KIDINS220: variants seen among roughly 807,000 people sequenced by gnomAD.
KIDINS220 encodes kinase D-interacting substrate of 220 kDa.
A neutral mutation model predicts 157.6 loss-of-function variants in KIDINS220; 63 were observed. The ratio of observed to expected loss-of-function variants is 0.40; its 90% CI spans 0.33 to 0.49. The LOEUF (loss-of-function observed/expected upper bound fraction) is 0.49. KIDINS220 is among the 20% of genes least tolerant of loss of function. The pLI, the probability that KIDINS220 is intolerant of heterozygous loss-of-function variation, is 0.66. For missense variants in KIDINS220, 1,772 were observed against 2,171.2 expected (o/e 0.82, Z 3.65); for synonymous variants, 732 against 783.6 (o/e 0.93, Z 1.10).
chr2:8,747,807 G>C, intron 25 of KIDINS220, 80 bp downstream of exon 25: 1 of 793,412 alleles, frequency 1.3e-6, no homozygotes, highest in Non-Finnish European at 1.9e-6. Context: ...CTTTTACTAT[G>C]TAAAGGAAAT....
intron 2 of KIDINS220, chr2:8,826,743 T>C (rs1678866940): frequency 3.7e-6 from 1 of 270,520 alleles, no homozygotes; most frequent in South Asian, 1.5e-4. Context: ...TTCCTGAATA[T>C]TAATTATTCC....
At position 8,744,393 on chromosome 2, in the gene KIDINS220, A is replaced by ATC. The variant is rs1167289937; in HGVS notation, c.3585+2751_3585+2752insGA. On this transcript the variant is annotated intron_variant, in intron 26 of 29. Transcript: ENST00000256707. The stretch of plus-strand genomic sequence containing the variant: ...AAAAAAAAAAAAAAAAAAAAAATAT[A>ATC]TATATATAATATATATATATATATA... Among the ~76,000 whole-genome samples the ATC allele has an allele frequency of 2.6e-4, 7 of 26,518 alleles. 2 individuals are homozygous for ATC. The highest frequency in any genetic ancestry group is 4.0e-4 in the Non-Finnish European group (7 of 17,290). 17.4% of individuals were successfully genotyped at this position (26,518 alleles called of 152,430 possible). A position where few individuals can be genotyped will look rare whatever the true frequency, so the allele number is the denominator to read the frequency against.
At position 8,751,459 on chromosome 2, in the gene KIDINS220, T is replaced by C. The variant is rs200218881; in HGVS notation, c.3190+7A>G. On this transcript the variant is annotated splice_region_variant and intron_variant, in intron 23 of 29. Coordinates refer to ENST00000256707, the MANE Select transcript of KIDINS220 (RefSeq NM_020738.4). Reference sequence around the variant, plus strand: ...GATGAAAAATTAAATTTACTACTAATACCCACCTGCAATAATTTCCCGTAG... The same window carrying C: ...GATGAAAAATTAAATTTACTACTAACACCCACCTGCAATAATTTCCCGTAG... 3 of 1,594,940 alleles carry C rather than the reference T, an allele frequency of 1.9e-6. No individual in the cohort carries two copies. Among genetic ancestry groups the C allele is most frequent in the African/African-American group, 2.7e-5 (2 of 73,944 alleles).
chr2:8,815,936 A>C (rs1387301528), intron 4 of KIDINS220, among the ~76,000 whole-genome samples: 3 of 151,984 alleles, frequency 2.0e-5, no homozygotes, highest in Non-Finnish European at 2.9e-5. Flanking sequence ...TCCTCTCCTT[A>C]AGCAAGTCCC....
intron 22 of KIDINS220, among the ~76,000 whole-genome samples, chr2:8,760,590 T>C (rs1407121723): frequency 1.3e-5 from 2 of 152,236 alleles, no homozygotes; most frequent in Non-Finnish European, 2.9e-5. Flanking sequence ...CATTTCTGTC[T>C]ACTCATGATT....
At position 8,813,354 on chromosome 2, in the gene KIDINS220, G is replaced by C. The variant is rs765922116; in HGVS notation, c.307-19C>G. 2.6e-6 allele frequency: 4 copies of C among 1,535,210 alleles called. No homozygotes were observed. The highest frequency in any genetic ancestry group is 2.4e-5 in the South Asian group (2 of 84,500). Reference sequence around the variant, plus strand: ...ATCCTCCCTAAACAAAAAATGTAGGGGTAAGGGAATCAAACTTTAAATCAT... The same window carrying C: ...ATCCTCCCTAAACAAAAAATGTAGGCGTAAGGGAATCAAACTTTAAATCAT... On this transcript the variant is annotated intron_variant, in intron 4 of 29. Coordinates refer to ENST00000256707, the MANE Select transcript of KIDINS220 (RefSeq NM_020738.4).
chr2:8,725,890 C>G (rs1326276708), downstream of KIDINS220, among the ~76,000 whole-genome samples: 2 of 152,136 alleles, frequency 1.3e-5, no homozygotes, highest in Non-Finnish European at 2.9e-5. Flanking sequence ...AGAAAGGGTT[C>G]CTAGCACATA....
At chr2:8,737,474 C>CTCAA (rs1665048570) in intron 26 of KIDINS220, among the ~76,000 whole-genome samples, 1 of 152,184 alleles carries the variant, frequency 6.6e-6, no homozygotes, top group Non-Finnish European at 1.5e-5. Flanking sequence ...TACAGACTAC[C>CTCAA]TCAATGGTTA....
Position 8,778,227 on chromosome 2 carries a change from C to T in KIDINS220, c.2703+412G>A, listed in dbSNP as rs1017874259. ...TAGAGAAAAAAGAGTGAGCGTCCCACAAGCATTTAGGGAAGGCTGGCCAAC... is the reference window on the plus strand; with the variant it reads ...TAGAGAAAAAAGAGTGAGCGTCCCATAAGCATTTAGGGAAGGCTGGCCAAC... On this transcript the variant is annotated intron_variant, in intron 20 of 29. Transcript: ENST00000256707. Among the ~76,000 whole-genome samples the T allele has an allele frequency of 8.5e-5, 13 of 152,332 alleles. No homozygotes were observed. The South Asian group carries it at 2.3e-3, about 27-fold the overall frequency.
Position 8,730,624 on chromosome 2 carries a change from C to G in KIDINS220, c.*96G>C, listed in dbSNP as rs960248397. 6.8e-7 allele frequency: 1 copy of G among 1,478,030 alleles called. No individual in the cohort carries two copies. The highest frequency in any genetic ancestry group is 1.4e-5 in the African/African-American group (1 of 71,300). The allele number at this position is 1,478,030 out of a possible 1,614,324, so 91.6% of individuals were successfully genotyped here. A position where few individuals can be genotyped will look rare whatever the true frequency, so the allele number is the denominator to read the frequency against. ...TCATCATCGGTTAGTTATCTGTCAGCAAAATGTAGAAAGGTGATGGGCGTG... is the reference window on the plus strand; with the variant it reads ...TCATCATCGGTTAGTTATCTGTCAGGAAAATGTAGAAAGGTGATGGGCGTG... On this transcript the variant is annotated 3_prime_UTR_variant, in exon 30 of 30. Coordinates refer to ENST00000256707, the MANE Select transcript of KIDINS220 (RefSeq NM_020738.4).
Position 8,803,144 on chromosome 2 carries a change from C to CAAA in KIDINS220, c.604-20_604-18dup. ...CATTGAATTCTAAAAACAACAACAA[C>CAAA]AAAAACAAAACAAAACGCAAGCCCA... On this transcript the variant is annotated splice_polypyrimidine_tract_variant and intron_variant, in intron 7 of 29. Transcript: ENST00000256707. The CAAA allele has an allele frequency of 1.9e-6, 3 of 1,584,336 alleles. No homozygotes were observed. Among genetic ancestry groups the CAAA allele is most frequent in the Non-Finnish European group, 2.6e-6 (3 of 1,165,238 alleles).
chr2:8,818,879 T>C (rs1461004554), intron 2 of KIDINS220, 86 bp from the exon 3 acceptor site: 4 of 645,498 alleles, frequency 6.2e-6, no homozygotes, highest in Non-Finnish European at 1.1e-5. Flanking sequence ...CACATTTTCA[T>C]GAATGTATGT....
intron 22 of KIDINS220, among the ~76,000 whole-genome samples, chr2:8,752,492 T>C (rs1040114140): frequency 1.2e-4 from 18 of 152,154 alleles, no homozygotes; most frequent in African/African-American, 4.3e-4. Context: ...CGGGGTCACC[T>C]AAGCTGGCTA....
intron 28 of KIDINS220, 108 bp from the exon 29 acceptor site, chr2:8,733,788 A>C (rs948322447): frequency 1.6e-5 from 11 of 702,106 alleles, no homozygotes; most frequent in Middle Eastern, 8.1e-4. Context: ...CAGCAATGAG[A>C]AAGCATACTT....
intron 16 of KIDINS220, 65 bp from the exon 17 acceptor site, chr2:8,786,095 G>T: frequency 6.4e-7 from 1 of 1,556,226 alleles, no homozygotes; most frequent in Admixed American, 1.8e-5. Flanking sequence ...TAACATTATA[G>T]TCACAATACC....
At chr2:8,759,206 G>T (rs1361586266) in intron 22 of KIDINS220, among the ~76,000 whole-genome samples, 3 of 152,176 alleles carry the variant, frequency 2.0e-5, no homozygotes, top group Non-Finnish European at 2.9e-5. Context: ...TGGTTTAAAA[G>T]AAGACATTTG....
chr2:8,835,147 C>G (rs548193746), intron 1 of KIDINS220, among the ~76,000 whole-genome samples: 1 of 152,332 alleles, frequency 6.6e-6, no homozygotes, highest in Non-Finnish European at 1.5e-5. Flanking sequence ...GCATGCCCAG[C>G]CTTGAACTAA....
chr2:8,742,893 C>T (rs1324393026), intron 26 of KIDINS220, among the ~76,000 whole-genome samples: 1 of 152,174 alleles, frequency 6.6e-6, no homozygotes, highest in East Asian at 1.9e-4. Flanking sequence ...TGAAGAAATG[C>T]TTTATTGCTC....
intron 18 of KIDINS220, among the ~76,000 whole-genome samples, chr2:8,779,421 T>C (rs576447762): frequency 2.0e-5 from 3 of 152,238 alleles, no homozygotes; most frequent in Admixed American, 6.5e-5. Context: ...GAAACATTCA[T>C]GAATACAGAT....
Sources: gnomAD v4.1 joint callset for allele counts (sites outside exome capture counted in the v4.1 genomes callset) on GRCh38, gnomAD v4.1.1 for gene constraint, MANE v1.5 for transcripts, NCBI Gene and HGNC (gene_info 2026-07-23, HGNC 2026-07-21) for gene names.